The following SLC24A2 variants were observed in gnomAD, a reference collection of about 807,000 sequenced individuals.
The protein encoded by SLC24A2 is solute carrier family 24 member 2.
In SLC24A2, 36 loss-of-function variants were observed where a neutral mutation model predicts 62.0. The observed-to-expected ratio is 0.58, with a 90% CI of 0.44 to 0.77. SLC24A2 has a LOEUF of 0.77. SLC24A2 is among the 30% of genes least tolerant of loss of function. SLC24A2 has a pLI of 0.00. For missense variants in SLC24A2, 846 were observed against 817.9 expected (o/e 1.03, Z -0.42); for synonymous variants, 358 against 294.0 (o/e 1.22, Z -2.23).
chr9:20,205,092 T>A, the SLC24A2 span, among the ~76,000 whole-genome samples: 1 of 152,140 alleles, frequency 6.6e-6, no homozygotes, highest in African/African-American at 2.4e-5. Flanking sequence ...AATTGCTGAA[T>A]GCCTGCAGGA....
rs575410639 is a variant in SLC24A2 at position 19,727,016 on chromosome 9, T to C, written c.930+58921A>G. On this transcript the variant is annotated intron_variant, in intron 2 of 10. Transcript: ENST00000341998. Reference sequence around the variant, plus strand: ...AAGTCAATCCCAGATTTATTGCTTGTTCCCATTTCCTTCAAGCACCTACAA... The same window carrying C: ...AAGTCAATCCCAGATTTATTGCTTGCTCCCATTTCCTTCAAGCACCTACAA... Among the ~76,000 whole-genome samples, 5 of 152,270 alleles carry C rather than the reference T, an allele frequency of 3.3e-5. No individual in the cohort carries two copies. The East Asian group carries it at 9.6e-4, about 29-fold the overall frequency.
the SLC24A2 span, among the ~76,000 whole-genome samples, chr9:19,855,312 G>A: frequency 2.0e-5 from 3 of 152,120 alleles, no homozygotes; most frequent in Non-Finnish European, 4.4e-5. Context: ...ATTTTTATGT[G>A]TGAATTTGAT....
At chr9:20,079,909 C>A in the SLC24A2 span, among the ~76,000 whole-genome samples, 1 of 152,084 alleles carries the variant, frequency 6.6e-6, no homozygotes, top group Non-Finnish European at 1.5e-5. Flanking sequence ...CCTAGGAACA[C>A]AACTTACAAG....
chr9:19,770,147 C>T (rs952358052), intron 2 of SLC24A2, among the ~76,000 whole-genome samples: 1 of 151,626 alleles, frequency 6.6e-6, no homozygotes, highest in African/African-American at 2.4e-5. Flanking sequence ...CTGTATATGA[C>T]CAAAGTAAGC....
At chr9:20,276,451 G>C in the SLC24A2 span, among the ~76,000 whole-genome samples, 1 of 152,168 alleles carries the variant, frequency 6.6e-6, no homozygotes, top group African/African-American at 2.4e-5. Context: ...CTGCCCCTGT[G>C]GCTTTGCAGG....
intron 2 of SLC24A2, among the ~76,000 whole-genome samples, chr9:19,709,024 T>C (rs1193195371): frequency 1.3e-5 from 2 of 151,792 alleles, no homozygotes; most frequent in East Asian, 3.9e-4. Context: ...AGGGCTAATA[T>C]CCAGAATCTA....
At chr9:20,115,428 C>A in the SLC24A2 span, among the ~76,000 whole-genome samples, 3 of 152,038 alleles carry the variant, frequency 2.0e-5, no homozygotes, top group Admixed American at 6.6e-5. Context: ...TGGGGAGAAA[C>A]AAGGGAAACT....
intron 4 of SLC24A2, among the ~76,000 whole-genome samples, chr9:19,615,831 T>G (rs1340472932): frequency 6.6e-6 from 1 of 152,150 alleles, no homozygotes; most frequent in Admixed American, 6.5e-5. Flanking sequence ...TGAGACAACC[T>G]AGATTCACTT....
the SLC24A2 span, among the ~76,000 whole-genome samples, chr9:20,106,439 A>G: frequency 2.6e-5 from 4 of 152,350 alleles, no homozygotes; most frequent in South Asian, 2.1e-4. Context: ...CGTTGATGCA[A>G]AAATCCTCAA....
chr9:20,181,307 G>T, the SLC24A2 span, among the ~76,000 whole-genome samples: 1 of 151,952 alleles, frequency 6.6e-6, no homozygotes, highest in African/African-American at 2.4e-5. Flanking sequence ...TAAATGTGAT[G>T]ATGTATTTTA....
intron 8 of SLC24A2, 122 bp from the exon 9 acceptor site, chr9:19,528,260 T>A: frequency 1.4e-6 from 1 of 735,792 alleles, no homozygotes. Context: ...TTAGTAGGAT[T>A]GGCAATCAAA....
chr9:20,260,807 A>G, the SLC24A2 span, among the ~76,000 whole-genome samples: 2 of 119,806 alleles, frequency 1.7e-5, no homozygotes, highest in Admixed American at 9.1e-5. Context: ...ACCACCCCTC[A>G]CCCTTTCCTC....
intron 2 of SLC24A2, among the ~76,000 whole-genome samples, chr9:19,722,368 T>C (rs1381322108): frequency 6.6e-6 from 1 of 152,146 alleles, no homozygotes; most frequent in African/African-American, 2.4e-5. Flanking sequence ...GTTCAACATA[T>C]ATTTTGGTAT....
chr9:19,600,088 A>C (rs1405757078), intron 4 of SLC24A2, among the ~76,000 whole-genome samples: 3 of 152,206 alleles, frequency 2.0e-5, no homozygotes, highest in South Asian at 2.1e-4. Context: ...AGAGCCATAC[A>C]TCACCTGTGA....
chr9:19,955,508 C>T, the SLC24A2 span, among the ~76,000 whole-genome samples: 1 of 151,568 alleles, frequency 6.6e-6, no homozygotes, highest in African/African-American at 2.4e-5. Flanking sequence ...TCTAAGATCT[C>T]TCTATGGAAA....
intron 2 of SLC24A2, among the ~76,000 whole-genome samples, chr9:19,626,389 T>C (rs7468759): frequency 1.3e-5 from 2 of 152,206 alleles, no homozygotes; most frequent in Non-Finnish European, 2.9e-5. Context: ...GAAGACTTCA[T>C]AGGACAAAAG....
chr9:20,101,238 C>T, the SLC24A2 span, among the ~76,000 whole-genome samples: 1 of 152,216 alleles, frequency 6.6e-6, no homozygotes, highest in Non-Finnish European at 1.5e-5. Flanking sequence ...ATGCCCTGGG[C>T]AGGCAGAGCC....
At chr9:20,005,915 T>A in the SLC24A2 span, among the ~76,000 whole-genome samples, 3 of 148,376 alleles carry the variant, frequency 2.0e-5, no homozygotes, top group Admixed American at 6.7e-5. Flanking sequence ...CATATGAAAA[T>A]AACCCAAAGT....
the SLC24A2 span, among the ~76,000 whole-genome samples, chr9:20,173,334 A>T: frequency 6.6e-6 from 1 of 152,132 alleles, no homozygotes; most frequent in African/African-American, 2.4e-5. Flanking sequence ...TAGCCAGAGC[A>T]ATCAGACAAG....
Sources: allele counts gnomAD v4.1 joint callset (sites outside exome capture counted in the v4.1 genomes callset), GRCh38; gene constraint gnomAD v4.1.1; transcripts MANE v1.5; gene names NCBI Gene and HGNC (gene_info 2026-07-23, HGNC 2026-07-21).